The following SEC31B variants were observed in gnomAD, a reference collection of about 807,000 sequenced individuals.
The protein encoded by SEC31B is protein transport protein Sec31B.
SEC31B carries 113 observed loss-of-function variants against 135.0 expected under a neutral mutation model. The ratio of observed to expected loss-of-function variants is 0.84; its 90% CI spans 0.72 to 0.98. SEC31B has a LOEUF of 0.98. SEC31B is among the 50% of genes least tolerant of loss of function. SEC31B has a pLI of 0.00. For synonymous variants in SEC31B, 508 were observed against 549.4 expected (o/e 0.92, Z 1.05); for missense variants, 1,296 against 1,421.1 (o/e 0.91, Z 1.42).
intron 3 of SEC31B, among the ~76,000 whole-genome samples, chr10:100,509,720 G>A (rs916036058): frequency 1.7e-4 from 26 of 152,148 alleles, no homozygotes; most frequent in Admixed American, 1.4e-3. Flanking sequence ...CGTTACACCA[G>A]AAGCCAGGAA....
At chr10:100,495,346 T>C in intron 19 of SEC31B, 39 bp downstream of exon 19, 1 of 1,580,446 alleles carries the variant, frequency 6.3e-7, no homozygotes, top group South Asian at 1.1e-5. Context: ...TTGGCACGTA[T>C]TATTGAATGA....
In SEC31B at chr10:100,487,271, C is replaced by A; in HGVS notation, c.*345G>T. 1 of 267,266 alleles carries A rather than the reference C, an allele frequency of 3.7e-6. No individual in the cohort carries two copies. Among genetic ancestry groups the A allele is most frequent in the Non-Finnish European group, 7.2e-6 (1 of 139,254 alleles). 16.6% of individuals were successfully genotyped at this position (267,266 alleles called of 1,614,324 possible). On this transcript the variant is annotated 3_prime_UTR_variant, in exon 26 of 26. Transcript: ENST00000370345. ...ACAGCAGAGGTAGGCTTAAAAGTAA[C>A]AATCCTGTTCACCCTCTCAGAAGCC... is the stretch of plus-strand genomic sequence containing the variant.
intron 5 of SEC31B, chr10:100,508,651 C>T (rs796488167): frequency 5.7e-5 from 23 of 404,696 alleles, no homozygotes; most frequent in African/African-American, 3.9e-4. Context: ...TGGGGTCCTA[C>T]TCTTCCTCCC....
At position 100,489,313 on chromosome 10, in the gene SEC31B, T is replaced by G. The variant is rs1851253542; in HGVS notation, c.3110A>C (p.Gln1037Pro). 6.2e-7 allele frequency: 1 copy of G among 1,613,628 alleles called. No individual in the cohort carries two copies. The highest frequency in any genetic ancestry group is 1.7e-5 in the Admixed American group (1 of 59,914). Residue 1037 changes from glutamine (Q) to proline (P), a missense_variant, in exon 23 of 26, where the codon CAG (glutamine) becomes CCG (proline). By Grantham distance (76) the Gln-to-Pro change is moderately conservative. Coordinates refer to ENST00000370345, the MANE Select transcript of SEC31B (RefSeq NM_015490.4). ...ATGACTCACACTGGAGACAGGGGGC[T>G]GTGAGGGAAGAATCCCTTGTAGCTC... ...TPELQGILPS[Q>P]PPVSSVSHAP...
chr10:100,489,361 G>A lies in SEC31B; in HGVS notation c.3062C>T (p.Ala1021Val). The change falls in exon 23 of 26, where the codon GCT becomes GTT. Residue 1021 changes from alanine (A) to valine (V), a missense_variant. Coordinates refer to ENST00000370345, the MANE Select transcript of SEC31B (RefSeq NM_015490.4). ...ETFMPPAPIT[A>V]PVMSLTPELQ... ...CTCAGGGGTGAGGCTCATAACTGGA[G>A]CAGTAATTGGTGCTGGGGGCATAAA... 7 of 1,614,014 alleles carry A rather than the reference G, an allele frequency of 4.3e-6. No homozygotes were observed. Among genetic ancestry groups the A allele is most frequent in the Non-Finnish European group, 5.9e-6 (7 of 1,180,010 alleles).
chr10:100,514,652 T>C (rs1851794538), intron 3 of SEC31B, among the ~76,000 whole-genome samples: 1 of 152,050 alleles, frequency 6.6e-6, no homozygotes, highest in South Asian at 2.1e-4. Flanking sequence ...ATTATGAAGT[T>C]AAACTATGAA....
intron 6 of SEC31B, 147 bp from the exon 7 acceptor site, chr10:100,507,714 A>C: frequency 7.7e-7 from 1 of 1,296,312 alleles, no homozygotes; most frequent in Non-Finnish European, 1.1e-6. Flanking sequence ...ATAAGTAAGG[A>C]ATGGCAGAAG....
intron 5 of SEC31B, 51 bp downstream of exon 5, chr10:100,508,956 T>TA (rs1249711742): frequency 7.0e-7 from 1 of 1,436,100 alleles, no homozygotes; most frequent in South Asian, 1.1e-5. Context: ...GACTTTTACT[T>TA]AGGAGAATCA....
intron 19 of SEC31B, chr10:100,494,929 G>C: frequency 5.3e-6 from 1 of 188,478 alleles, no homozygotes; most frequent in Non-Finnish European, 1.1e-5. Flanking sequence ...AGGTTCAAGT[G>C]ATACTCCTGC....
rs1564649720 is a variant in SEC31B at position 100,497,128 on chromosome 10, G to A, written c.2136+7C>T. ...GGAGTGGCCAGTACCCTGCAGAGAA[G>A]GGGTACCTGCAGAGCCATGGGGGAC... On this transcript the variant is annotated splice_region_variant and intron_variant, in intron 17 of 25. Transcript: ENST00000370345. The A allele has an allele frequency of 3.7e-6, 6 of 1,614,052 alleles. No individual in the cohort carries two copies. The highest frequency in any genetic ancestry group is 5.1e-6 in the Non-Finnish European group (6 of 1,179,976).
chr10:100,506,070 C>T lies in SEC31B; in HGVS notation c.1014G>A (p.Trp338Ter), dbSNP rs1851624566. ...CAGCCTGTCTCATATGCTGGACTTC[C>T]CAGCTCCTACCCATCACAGAGTACA... ...ISLYSVMGRS[W>*]EVQHMRQADK... Residue 338 changes from tryptophan to a stop codon, truncating the protein, a stop_gained, in exon 9 of 26, where the codon TGG (tryptophan) becomes TGA (stop). Coordinates refer to ENST00000370345, the MANE Select transcript of SEC31B (RefSeq NM_015490.4). LOFTEE classifies it high-confidence loss of function. 6.2e-7 allele frequency: 1 copy of T among 1,614,086 alleles called. No individual in the cohort carries two copies.
At position 100,508,036 on chromosome 10, in the gene SEC31B, T is replaced by G. The variant is rs1250799771; in HGVS notation, c.511A>C (p.Ile171Leu). Residue 171 changes from isoleucine (I) to leucine (L), a missense_variant, in exon 6 of 26, where the codon ATC (isoleucine) becomes CTC (leucine). Physicochemically the swap from Ile to Leu is conservative, Grantham distance 5. Coordinates refer to ENST00000370345, the MANE Select transcript of SEC31B (RefSeq NM_015490.4). ...GSKSQQPPEDIKALSWNRQAQ... is the reference protein window; with the variant it reads ...GSKSQQPPEDLKALSWNRQAQ... Reference sequence around the variant, plus strand: ...TGCCGGTTCCAAGACAGTGCCTTGATGTCCTCTGGAGGCTGCTAAGGCAGG... The same window carrying G: ...TGCCGGTTCCAAGACAGTGCCTTGAGGTCCTCTGGAGGCTGCTAAGGCAGG... The G allele has an allele frequency of 1.2e-6, 2 of 1,614,118 alleles. No homozygotes were observed. Among genetic ancestry groups the G allele is most frequent in the South Asian group, 2.2e-5 (2 of 91,090 alleles).
At chr10:100,510,325 G>A (rs1256794622) in intron 3 of SEC31B, among the ~76,000 whole-genome samples, 2 of 152,240 alleles carry the variant, frequency 1.3e-5, no homozygotes, top group African/African-American at 2.4e-5. Context: ...TGGCTGCAAA[G>A]GGCCAGACCT....
rs542977628 is a variant in SEC31B at position 100,494,446 on chromosome 10, T to G, written c.2472+939A>C. ...TTCAATAGCTCCTCCCTGTCAAGTT[T>G]AAGTTCTTTAGCACAGAATGCTAGG... On this transcript the variant is annotated intron_variant, in intron 19 of 25. Coordinates refer to ENST00000370345, the MANE Select transcript of SEC31B (RefSeq NM_015490.4). Among the ~76,000 whole-genome samples, 12 of 152,354 alleles carry G rather than the reference T, an allele frequency of 7.9e-5. 1 individual carries two copies. In the South Asian group the frequency reaches 2.5e-3, roughly 32 times the overall value.
At chr10:100,509,231 A>G in intron 4 of SEC31B, 85 bp downstream of exon 4, 1 of 1,511,176 alleles carries the variant, frequency 6.6e-7, no homozygotes, top group Non-Finnish European at 9.1e-7. Context: ...GGTCAGAGTT[A>G]CAGACTGGAG....
rs1223156438 is a variant in SEC31B at position 100,496,266 on chromosome 10, A to G, written c.2302T>C (p.Cys768Arg). The G allele has an allele frequency of 3.7e-6, 6 of 1,613,952 alleles. No individual in the cohort carries two copies. The Admixed American group carries it at 1.0e-4, about 27-fold the overall frequency. The change falls in exon 18 of 26, where the codon TGT becomes CGT. Residue 768 changes from cysteine to arginine, a missense_variant. By Grantham distance (180) the Cys-to-Arg change is radical. Coordinates refer to ENST00000370345, the MANE Select transcript of SEC31B (RefSeq NM_015490.4). Reference protein sequence around the residue: ...ATAMSFLPRDCAQPPVQQLRD... With the variant: ...ATAMSFLPRDRAQPPVQQLRD... ...CACATGGCCCCACTTACCTGAGCACAGTCCCTGGGTAGAAAGCTCATGGCA... is the reference window on the plus strand; with the variant it reads ...CACATGGCCCCACTTACCTGAGCACGGTCCCTGGGTAGAAAGCTCATGGCA...
chr10:100,503,948 A>T (rs1851577238), intron 10 of SEC31B, among the ~76,000 whole-genome samples: 4 of 148,656 alleles, frequency 2.7e-5, no homozygotes, highest in Non-Finnish European at 1.5e-5. Flanking sequence ...CAGAATTCTT[A>T]TTTACCGTGA....
At chr10:100,489,615 AG>A (rs1381914463) in intron 22 of SEC31B, 87 bp downstream of exon 22, 1 of 1,581,346 alleles carries the variant, frequency 6.3e-7, no homozygotes, top group Admixed American at 1.7e-5. Context: ...CAGTCTGAGA[AG>A]GGGAAGGACT....
At chr10:100,488,710 C>T (rs1851238813) in intron 24 of SEC31B, 148 bp downstream of exon 24, 8 of 1,134,242 alleles carry the variant, frequency 7.1e-6, no homozygotes, top group Non-Finnish European at 9.6e-6. Context: ...CTCCCCAGCT[C>T]CACATGGACG....
Sources: allele counts gnomAD v4.1 joint callset (sites outside exome capture counted in the v4.1 genomes callset), GRCh38; gene constraint gnomAD v4.1.1; transcripts MANE v1.5; gene names NCBI Gene and HGNC (gene_info 2026-07-23, HGNC 2026-07-21).